Variants in EML6 observed in about 807,000 individuals in gnomAD.
EML6 encodes echinoderm microtubule-associated protein-like 6.
A neutral mutation model predicts 240.1 loss-of-function variants in EML6; 154 were observed. The ratio of observed to expected loss-of-function variants is 0.64; its 90% confidence interval spans 0.56 to 0.73. The LOEUF is 0.73. Ranked by LOEUF, EML6 falls within the 30% of genes least tolerant of loss-of-function variation. The probability of loss-of-function intolerance (pLI) is 0.00; values close to 1 mark genes in which losing one functional copy is unlikely to be tolerated. For synonymous variants in EML6, 1,148 were observed against 899.0 expected (o/e 1.28, Z -4.95); for missense variants, 2,964 against 2,474.6 (o/e 1.20, Z -4.20).
intron 4 of EML6, among the ~76,000 whole-genome samples, chr2:54,820,075 T>C (rs771648276): frequency 2.0e-5 from 3 of 152,196 alleles, no homozygotes; most frequent in Non-Finnish European, 2.9e-5. Flanking sequence ...TGGAGTGCTA[T>C]TGAAAAATTT....
chr2:54,725,035 G>T lies in EML6; in HGVS notation c.-27G>T. The stretch of plus-strand genomic sequence containing the variant: ...GAGGACGGCCCCGGCGCGCGGGGGG[G>T]CGGGGGGCGCGCGGGGTCGGCTTAT... On this transcript the variant is annotated 5_prime_UTR_variant, in exon 2 of 42. Coordinates refer to ENST00000356458, the MANE Select transcript of EML6 (RefSeq NM_001039753.4). The surrounding 1 kb of genome is among the most constrained non-coding windows in gnomAD (Gnocchi z 4.3). The T allele has an allele frequency of 4.7e-6, 7 of 1,488,864 alleles. No homozygotes were observed. The highest frequency in any genetic ancestry group is 6.3e-6 in the Non-Finnish European group (7 of 1,119,498). The allele number at this position is 1,488,864 out of a possible 1,614,324, so 92.2% of individuals were successfully genotyped here. A position where few individuals can be genotyped will look rare whatever the true frequency, so the allele number is the denominator to read the frequency against.
intron 17 of EML6, among the ~76,000 whole-genome samples, chr2:54,888,684 C>T (rs989897870): frequency 1.3e-5 from 2 of 152,114 alleles, no homozygotes; most frequent in Admixed American, 6.6e-5. Context: ...CATGTGTTTT[C>T]ATGATGTGGT....
At chr2:54,919,172 G>A (rs567849882) in intron 26 of EML6, among the ~76,000 whole-genome samples, 1 of 151,820 alleles carries the variant, frequency 6.6e-6, no homozygotes, top group African/African-American at 2.4e-5. Flanking sequence ...CAGAGGAAAT[G>A]AGAAATTGAC....
chr2:54,815,693 C>G lies in EML6; in HGVS notation c.358-1094C>G, dbSNP rs1010354611. ...AATTTCTTAAGGACACATTAAAAAA[C>G]CCTCAACGATGTGTGTTATATTAAA... On this transcript the variant is annotated intron_variant, in intron 3 of 41. Transcript: ENST00000356458. 4.4e-4 allele frequency among the ~76,000 whole-genome samples: 67 copies of G among 152,286 alleles called. 1 individual carries two copies. The highest frequency in any genetic ancestry group is 1.5e-3 in the African/African-American group (61 of 41,560).
chr2:54,807,064 T>A (rs1268402823), intron 2 of EML6, among the ~76,000 whole-genome samples: 3 of 152,238 alleles, frequency 2.0e-5, no homozygotes, highest in East Asian at 3.8e-4. Context: ...GTCATACTTT[T>A]TATTCCACAT....
intron 11 of EML6, among the ~76,000 whole-genome samples, chr2:54,857,189 G>A (rs867179375): frequency 2.0e-4 from 31 of 152,184 alleles, no homozygotes; most frequent in African/African-American, 7.2e-4. Context: ...TTAGGGGCCC[G>A]TACTGGGCAT....
At chr2:54,855,262 A>C (rs1221228767) in intron 11 of EML6, among the ~76,000 whole-genome samples, 2 of 152,028 alleles carry the variant, frequency 1.3e-5, no homozygotes, top group African/African-American at 4.8e-5. Context: ...GGAAACTTAC[A>C]ATCATGGCAG....
At chr2:54,801,666 T>C (rs545470560) in intron 2 of EML6, among the ~76,000 whole-genome samples, 11 of 152,264 alleles carry the variant, frequency 7.2e-5, no homozygotes, top group African/African-American at 2.2e-4. Context: ...TGCAGTGTTA[T>C]TAGCTTTCAA....
intron 11 of EML6, among the ~76,000 whole-genome samples, chr2:54,858,400 G>A (rs1417964826): frequency 6.6e-6 from 1 of 152,224 alleles, no homozygotes; most frequent in Admixed American, 6.5e-5. Context: ...GATCTGTGAG[G>A]AAGGTATAAA....
intron 17 of EML6, among the ~76,000 whole-genome samples, chr2:54,887,916 T>C (rs1261244973): frequency 6.6e-6 from 1 of 152,196 alleles, no homozygotes; most frequent in African/African-American, 2.4e-5. Context: ...CCTTGACATA[T>C]CATTATCACC....
At chr2:54,842,403 C>T (rs747880393) in intron 7 of EML6, among the ~76,000 whole-genome samples, 64 of 152,114 alleles carry the variant, frequency 4.2e-4, no homozygotes, top group Non-Finnish European at 6.3e-4. Context: ...GTTTTAGAGC[C>T]TCTTAAAGGC....
chr2:54,970,043 A>T, intron 41 of EML6, 28 bp from the exon 42 acceptor site: 1 of 1,551,600 alleles, frequency 6.4e-7, no homozygotes, highest in Non-Finnish European at 8.7e-7. Flanking sequence ...CCAGCTATGC[A>T]AAATGACTGT....
intron 9 of EML6, among the ~76,000 whole-genome samples, chr2:54,848,743 T>A (rs1425799171): frequency 1.3e-5 from 2 of 152,130 alleles, no homozygotes; most frequent in African/African-American, 2.4e-5. Context: ...GTCTCACAAT[T>A]GTAGGGAAAA....
intron 28 of EML6, among the ~76,000 whole-genome samples, chr2:54,930,594 T>C (rs1674803116): frequency 6.6e-6 from 1 of 152,072 alleles, no homozygotes; most frequent in African/African-American, 2.4e-5. Flanking sequence ...TTTACTGGCA[T>C]TTAAAAAAAT....
At chr2:54,823,225 C>CT (rs1481855098) in intron 5 of EML6, among the ~76,000 whole-genome samples, 5 of 152,244 alleles carry the variant, frequency 3.3e-5, no homozygotes, top group South Asian at 2.1e-4. Context: ...TCCCAGCTGG[C>CT]TAGAAGCATG....
At chr2:54,848,641 C>T (rs139306324) in intron 9 of EML6, among the ~76,000 whole-genome samples, 38 of 151,794 alleles carry the variant, frequency 2.5e-4, no homozygotes, top group African/African-American at 6.8e-4. Context: ...TTATGTAGAA[C>T]GATTATTTGC....
rs769686511 is a variant in EML6, at chr2:54,826,769, T to A, written c.526-797T>A. On this transcript the variant is annotated intron_variant, in intron 5 of 41. Coordinates refer to ENST00000356458, the MANE Select transcript of EML6 (RefSeq NM_001039753.4). ...TGAAAAGCCGAGTCAATTATTTGGGTATATGGAAATATAACTCATATTTAT... is the reference window on the plus strand; with the variant it reads ...TGAAAAGCCGAGTCAATTATTTGGGAATATGGAAATATAACTCATATTTAT... 3.3e-5 allele frequency among the ~76,000 whole-genome samples: 5 copies of A among 152,232 alleles called. No homozygotes were observed. The South Asian group carries it at 1.0e-3, about 31-fold the overall frequency.
At chr2:54,959,324 A>C in intron 34 of EML6, 63 bp downstream of exon 34, 1 of 1,434,060 alleles carries the variant, frequency 7.0e-7, no homozygotes, top group Non-Finnish European at 9.3e-7. Context: ...AAACTGACAA[A>C]AGTGTTCCCA....
At chr2:54,813,574 A>G (rs866267359) in intron 3 of EML6, among the ~76,000 whole-genome samples, 183 bp downstream of exon 3, 1 of 152,186 alleles carries the variant, frequency 6.6e-6, no homozygotes, top group Non-Finnish European at 1.5e-5. Flanking sequence ...AACTCTGGAC[A>G]GGCCTTGGTT....
Sources: gnomAD v4.1 joint callset for allele counts (sites outside exome capture counted in the v4.1 genomes callset) on GRCh38, gnomAD v4.1.1 for gene constraint, Gnocchi (gnomAD v3.1) non-coding constraint, MANE v1.5 for transcripts, NCBI Gene and HGNC (gene_info 2026-07-23, HGNC 2026-07-21) for gene names.